EMSY: variants seen among roughly 807,000 people sequenced by gnomAD.
EMSY encodes BRCA2-interacting transcriptional repressor EMSY.
A neutral mutation model predicts 134.6 loss-of-function variants in EMSY; 26 were observed. The ratio of observed to expected loss-of-function variants is 0.19; its 90% CI spans 0.14 to 0.27. The LOEUF is 0.27. Among genes scored for constraint, EMSY ranks in the 10% least tolerant of loss-of-function variants. The pLI is 1.00. For missense variants in EMSY, 1,305 were observed against 1,611.4 expected, an observed-to-expected ratio of 0.81 and a Z score of 3.26; for synonymous variants, 579 against 577.8, an observed-to-expected ratio of 1.00 and a Z score of -0.03.
At chr11:76,513,026 A>T (rs1200030576) in intron 9 of EMSY, among the ~76,000 whole-genome samples, 2 of 152,112 alleles carry the variant, frequency 1.3e-5, no homozygotes, top group African/African-American at 2.4e-5. Context: ...TTTGTTTCTG[A>T]CCTCTTATGC....
intron 9 of EMSY, among the ~76,000 whole-genome samples, chr11:76,499,900 C>T (rs1382478487): frequency 6.6e-6 from 1 of 151,406 alleles, no homozygotes; most frequent in African/African-American, 2.4e-5. Context: ...TTGTAGAGAC[C>T]ATTTTTTGGT....
intron 7 of EMSY, among the ~76,000 whole-genome samples, chr11:76,466,671 G>T (rs1948365634): frequency 1.3e-5 from 2 of 152,098 alleles, no homozygotes; most frequent in South Asian, 4.1e-4. Context: ...ATCATTATTA[G>T]TAACTAGAAG....
At chr11:76,500,448 TG>T (rs1181580466) in intron 9 of EMSY, among the ~76,000 whole-genome samples, 1 of 152,162 alleles carries the variant, frequency 6.6e-6, no homozygotes, top group African/African-American at 2.4e-5. Flanking sequence ...GATTCATGGA[TG>T]TAATGAACAT....
intron 16 of EMSY, among the ~76,000 whole-genome samples, 156 bp downstream of exon 17, chr11:76,538,106 C>G (rs1951292152): frequency 6.6e-6 from 1 of 152,010 alleles, no homozygotes; most frequent in Non-Finnish European, 1.5e-5. Context: ...TTTACCCTGT[C>G]TTTAATGACT....
At chr11:76,477,932 T>C (rs1040821465) in intron 8 of EMSY, among the ~76,000 whole-genome samples, 2 of 152,248 alleles carry the variant, frequency 1.3e-5, no homozygotes, top group Non-Finnish European at 2.9e-5. Context: ...TGTTATTTTA[T>C]GGATTTCATG....
At chr11:76,501,118 T>C (rs2135902686) in intron 9 of EMSY, among the ~76,000 whole-genome samples, 1 of 152,392 alleles carries the variant, frequency 6.6e-6, no homozygotes, top group South Asian at 2.1e-4. Context: ...ATATTGTTTC[T>C]GTACTTGTAT....
intron 9 of EMSY, among the ~76,000 whole-genome samples, chr11:76,498,322 T>C (rs910732619): frequency 2.0e-5 from 3 of 152,196 alleles, no homozygotes; most frequent in African/African-American, 4.8e-5. Context: ...TCTATATATG[T>C]ATATCAACTA....
At chr11:76,465,475 G>T (rs964637768) in intron 7 of EMSY, among the ~76,000 whole-genome samples, 2 of 151,798 alleles carry the variant, frequency 1.3e-5, no homozygotes, top group African/African-American at 2.4e-5. Context: ...AGCCTTGCAC[G>T]TAGTAAATGT....
chr11:76,495,079 T>C (rs1158455682), intron 8 of EMSY, among the ~76,000 whole-genome samples: 1 of 152,198 alleles, frequency 6.6e-6, no homozygotes, highest in East Asian at 1.9e-4. Flanking sequence ...GATCTTGATC[T>C]GCACAACAGC....
At chr11:76,511,604 G>T (rs943236609) in intron 9 of EMSY, among the ~76,000 whole-genome samples, 3 of 152,110 alleles carry the variant, frequency 2.0e-5, no homozygotes, top group African/African-American at 4.8e-5. Flanking sequence ...GGAGGCTGAG[G>T]CAGGAGAATC....
At chr11:76,544,368 G>A (rs1441613141) in exon 19 of EMSY, 8 of 1,613,972 alleles carry the variant, frequency 5.0e-6, no homozygotes, top group Admixed American at 3.3e-5. Context: ...CTGTTTTACC[G>A]ATCTGCCCTG....
At chr11:76,486,965 A>T (rs1949211005) in intron 8 of EMSY, among the ~76,000 whole-genome samples, 1 of 152,202 alleles carries the variant, frequency 6.6e-6, no homozygotes, top group Non-Finnish European at 1.5e-5. Context: ...GAAAATTCTA[A>T]AGCAAAAACT....
downstream of EMSY, chr11:76,552,902 T>A (rs773671032): frequency 1.3e-5 from 2 of 152,232 alleles, no homozygotes; most frequent in African/African-American, 4.8e-5. Context: ...TTATATAATA[T>A]GTGGTCTTTT....
intron 8 of EMSY, among the ~76,000 whole-genome samples, chr11:76,483,773 G>A (rs1590859193): frequency 6.6e-6 from 1 of 152,230 alleles, no homozygotes; most frequent in East Asian, 1.9e-4. Flanking sequence ...CCTACAAAGA[G>A]ACTTAGACTC....
At chr11:76,451,827 C>T in intron 2 of EMSY, 31 bp from the exon 3 acceptor site, 2 of 1,440,932 alleles carry the variant, frequency 1.4e-6, no homozygotes, top group Non-Finnish European at 9.4e-7. Flanking sequence ...TATTAAAGGC[C>T]TATCTTGATA....
chr11:76,467,725 C>T (rs1005005273), intron 7 of EMSY, among the ~76,000 whole-genome samples: 35 of 152,258 alleles, frequency 2.3e-4, no homozygotes, highest in African/African-American at 7.7e-4. Context: ...GGTGTGGTGG[C>T]TCACACCTGT....
chr11:76,546,275 G>A (rs201334527), exon 20 of EMSY: 2 of 1,610,552 alleles, frequency 1.2e-6, no homozygotes, highest in South Asian at 1.1e-5. Flanking sequence ...GCTGAAGAGA[G>A]TCCAGCAGAA....
chr11:76,537,935 G>A, exon 16 of EMSY: 1 of 1,611,910 alleles, frequency 6.2e-7, no homozygotes, highest in South Asian at 1.1e-5. Context: ...ACTAGTAGCT[G>A]AATACATCAC....
intron 7 of EMSY, among the ~76,000 whole-genome samples, chr11:76,471,409 T>A (rs1315396814): frequency 6.6e-6 from 1 of 152,306 alleles, no homozygotes; most frequent in East Asian, 1.9e-4. Context: ...TAAAGACTAT[T>A]AATGCATTAA....
Sources: gnomAD v4.1 joint callset for allele counts (sites outside exome capture counted in the v4.1 genomes callset) on GRCh38, gnomAD v4.1.1 for gene constraint, MANE v1.5 for transcripts, NCBI Gene and HGNC (gene_info 2026-07-23, HGNC 2026-07-21) for gene names.